RANBP2: variants seen among roughly 807,000 people sequenced by gnomAD.
The protein encoded by RANBP2 is RAN binding protein 2.
In RANBP2, 57 loss-of-function variants were observed where a neutral mutation model predicts 303.6. The ratio of observed to expected loss-of-function variants is 0.19; its 90% CI spans 0.15 to 0.23. The LOEUF is 0.23. Ranked by LOEUF, RANBP2 falls within the 10% of genes least tolerant of loss-of-function variation. The probability of loss-of-function intolerance (pLI) is 1.00; values close to 1 mark genes in which losing one functional copy is unlikely to be tolerated. For missense variants in RANBP2, 3,138 were observed against 3,780.8 expected (o/e 0.83, Z 4.46); for synonymous variants, 1,167 against 1,301.5 (o/e 0.90, Z 2.23).
At chr2:108,973,925 C>T in the RANBP2 span, among the ~76,000 whole-genome samples, 1 of 152,210 alleles carries the variant, frequency 6.6e-6, no homozygotes, top group Non-Finnish European at 1.5e-5. Flanking sequence ...AAACCAATTA[C>T]GGAGCTGTAA....
chr2:109,593,232 A>G, the RANBP2 span: 1 of 609,424 alleles, frequency 1.6e-6, no homozygotes, highest in South Asian at 4.3e-5. Flanking sequence ...TGTTATCACC[A>G]AGTTTTGATG....
chr2:109,377,255 C>T, the RANBP2 span, among the ~76,000 whole-genome samples: 3 of 152,144 alleles, frequency 2.0e-5, no homozygotes, highest in African/African-American at 4.8e-5. Flanking sequence ...GCTGGACCTC[C>T]GTGGGCCAGC....
At chr2:108,896,082 G>C in the RANBP2 span, 2 of 152,222 alleles carry the variant, frequency 1.3e-5, no homozygotes, top group South Asian at 2.1e-4. Flanking sequence ...TTCACATGTA[G>C]TGCAGACCAC....
chr2:108,903,969 A>C, the RANBP2 span, among the ~76,000 whole-genome samples: 2 of 152,200 alleles, frequency 1.3e-5, no homozygotes, highest in Non-Finnish European at 1.5e-5. Context: ...TTGACTCATA[A>C]AAATTTAAAA....
the RANBP2 span, among the ~76,000 whole-genome samples, chr2:109,012,870 G>C: frequency 1.3e-5 from 2 of 152,002 alleles, no homozygotes; most frequent in Admixed American, 6.5e-5. Context: ...GCAGAGACCA[G>C]GCCACTGCAC....
the RANBP2 span, among the ~76,000 whole-genome samples, chr2:109,261,129 G>A: frequency 2.0e-5 from 3 of 152,118 alleles, no homozygotes; most frequent in Non-Finnish European, 2.9e-5. Flanking sequence ...AGCCAGGCCC[G>A]TGAGCTAGCC....
At chr2:109,474,146 G>GT in the RANBP2 span, among the ~76,000 whole-genome samples, 1 of 152,148 alleles carries the variant, frequency 6.6e-6, no homozygotes, top group Admixed American at 6.5e-5. Flanking sequence ...CAGGTGGCCA[G>GT]GGAAGCTTGG....
the RANBP2 span, among the ~76,000 whole-genome samples, chr2:109,054,615 G>C: frequency 2.6e-5 from 4 of 151,222 alleles, no homozygotes; most frequent in African/African-American, 9.7e-5. Flanking sequence ...CAGGGGAATT[G>C]CTTGAACTAG....
In RANBP2 at chr2:108,784,219, T is replaced by C; in HGVS notation, c.*318T>C. The C allele has an allele frequency of 4.6e-6, 1 of 215,934 alleles. No individual in the cohort carries two copies. The highest frequency in any genetic ancestry group is 9.3e-6 in the Non-Finnish European group (1 of 107,078). 13.4% of individuals were successfully genotyped at this position (215,934 alleles called of 1,614,324 possible). ...AAGGAATATGATATATGCAATTTAA[T>C]TTTAATTCCTTTTAAGATATTTGGA... On this transcript the variant is annotated 3_prime_UTR_variant, in exon 29 of 29. Transcript: ENST00000283195.
At chr2:109,650,562 G>T in the RANBP2 span, among the ~76,000 whole-genome samples, 7 of 152,196 alleles carry the variant, frequency 4.6e-5, no homozygotes, top group African/African-American at 1.7e-4. Context: ...TGGTTTGACT[G>T]TGTCCCCACC....
chr2:109,012,579 TCCA>T, the RANBP2 span, among the ~76,000 whole-genome samples: 1 of 151,696 alleles, frequency 6.6e-6, no homozygotes, highest in Non-Finnish European at 1.5e-5. Context: ...TAGCCCCTCC[TCCA>T]CCCTGCTTTC....
chr2:109,248,501 T>G, the RANBP2 span, among the ~76,000 whole-genome samples: 1 of 152,250 alleles, frequency 6.6e-6, no homozygotes, highest in Admixed American at 6.5e-5. Flanking sequence ...GCTCTGCAAG[T>G]GGCATTTTCC....
rs561129832 is a variant in RANBP2 at position 108,750,714 on chromosome 2, A to C, written c.1274-550A>C. ...GCAATTGTCTTGCCTCAGCCTCCCA[A>C]GTAGCTGGGACTATAGGCACGTGAC... is the stretch of plus-strand genomic sequence containing the variant. On this transcript the variant is annotated intron_variant, in intron 9 of 28. Transcript: ENST00000283195. Among the ~76,000 whole-genome samples, 28 of 152,084 alleles carry C rather than the reference A, an allele frequency of 1.8e-4. No individual in the cohort carries two copies. In the South Asian group the frequency reaches 2.1e-3, roughly 11 times the overall value.
the RANBP2 span, among the ~76,000 whole-genome samples, chr2:109,088,767 C>A: frequency 7.9e-5 from 12 of 152,194 alleles, no homozygotes; most frequent in Non-Finnish European, 1.3e-4. Context: ...CCGCCTTGGC[C>A]TCCCAAAGTG....
chr2:108,847,077 T>C, the RANBP2 span: 1 of 595,630 alleles, frequency 1.7e-6, no homozygotes, highest in Non-Finnish European at 2.9e-6. Flanking sequence ...AAAAAGCTAC[T>C]TTTATTTGCT....
the RANBP2 span, among the ~76,000 whole-genome samples, chr2:109,755,201 G>T: frequency 1.6e-5 from 2 of 122,490 alleles, 1 homozygote; most frequent in East Asian, 5.7e-4. Flanking sequence ...ACCTTGGTGG[G>T]GGGGGGCCCA....
the RANBP2 span, among the ~76,000 whole-genome samples, chr2:109,551,747 G>A: frequency 7.2e-5 from 11 of 152,184 alleles, no homozygotes; most frequent in Non-Finnish European, 1.5e-4. Flanking sequence ...AGCAAGTACT[G>A]TAAGTGTATT....
chr2:109,671,436 G>C, the RANBP2 span, among the ~76,000 whole-genome samples: 3 of 152,220 alleles, frequency 2.0e-5, no homozygotes, highest in South Asian at 6.2e-4. Flanking sequence ...GGCTGGGAAG[G>C]GGGAGTAGGA....
the RANBP2 span, among the ~76,000 whole-genome samples, chr2:109,053,569 G>A: frequency 9.9e-5 from 15 of 152,284 alleles, no homozygotes; most frequent in African/African-American, 3.4e-4. Context: ...CAGCTTTCTC[G>A]AGCCTTGGGA....
Sources: allele counts gnomAD v4.1 joint callset (sites outside exome capture counted in the v4.1 genomes callset), GRCh38; gene constraint gnomAD v4.1.1; transcripts MANE v1.5; gene names NCBI Gene and HGNC (gene_info 2026-07-23, HGNC 2026-07-21).